The following ZRANB3 variants were observed in gnomAD, a reference collection of about 807,000 sequenced individuals.
ZRANB3 encodes the protein DNA annealing helicase and endonuclease ZRANB3.
In ZRANB3, 125 loss-of-function variants were observed where a neutral mutation model predicts 133.8. The observed-to-expected ratio is 0.93, with a 90% CI of 0.81 to 1.08. ZRANB3 has a LOEUF of 1.08. Ranked by LOEUF, ZRANB3 falls within the 50% of genes least tolerant of loss-of-function variation. ZRANB3 has a pLI of 0.00. For missense variants in ZRANB3, 1,229 were observed against 1,275.5 expected (o/e 0.96, Z 0.56); for synonymous variants, 387 against 432.7 (o/e 0.89, Z 1.31).
At chr2:135,411,817 A>G (rs1438717133) in intron 2 of ZRANB3, among the ~76,000 whole-genome samples, 1 of 152,118 alleles carries the variant, frequency 6.6e-6, no homozygotes, top group Non-Finnish European at 1.5e-5. Flanking sequence ...GAGTATGTTC[A>G]CTATTTGGGT....
chr2:135,295,249 A>G (rs1681997197), intron 8 of ZRANB3, among the ~76,000 whole-genome samples: 1 of 152,124 alleles, frequency 6.6e-6, no homozygotes, highest in Non-Finnish European at 1.5e-5. Flanking sequence ...TGCTTTATGA[A>G]TCTGGGTGCT....
chr2:135,501,110 C>A (rs1420784329), intron 2 of ZRANB3, among the ~76,000 whole-genome samples: 1 of 152,060 alleles, frequency 6.6e-6, no homozygotes, highest in Admixed American at 6.6e-5. Context: ...AGTGAAACTA[C>A]AGAACTCCAA....
rs139432353 is a variant in ZRANB3, at chr2:135,394,715, T to C, written c.162-3895A>G. Among the ~76,000 whole-genome samples, 34 of 152,174 alleles carry C rather than the reference T, an allele frequency of 2.2e-4. No homozygotes were observed. The East Asian group carries it at 6.4e-3, about 29-fold the overall frequency. ...ATGGTTAAGGTAGTAAATTTTACATTGTGTTTTTTTACCACAAGGGAAAAA... is the reference window on the plus strand; with the variant it reads ...ATGGTTAAGGTAGTAAATTTTACATCGTGTTTTTTTACCACAAGGGAAAAA... On this transcript the variant is annotated intron_variant, in intron 2 of 20. Transcript: ENST00000264159.
chr2:135,480,862 G>T (rs1691762343), intron 2 of ZRANB3, among the ~76,000 whole-genome samples: 1 of 134,842 alleles, frequency 7.4e-6, no homozygotes, highest in East Asian at 2.2e-4. Context: ...AGAATATGCG[G>T]TGTTTGGTTT....
At chr2:135,433,804 G>C (rs1689416520) in intron 2 of ZRANB3, among the ~76,000 whole-genome samples, 1 of 151,788 alleles carries the variant, frequency 6.6e-6, no homozygotes, top group South Asian at 2.1e-4. Flanking sequence ...AGACCATCTT[G>C]GCCAACCTGG....
chr2:135,376,895 A>C (rs1184152491), intron 3 of ZRANB3, among the ~76,000 whole-genome samples: 1 of 152,264 alleles, frequency 6.6e-6, no homozygotes, highest in Non-Finnish European at 1.5e-5. Flanking sequence ...ATGTGATAAA[A>C]GAATGTATAT....
At chr2:135,334,282 A>C (rs186815030) in intron 6 of ZRANB3, among the ~76,000 whole-genome samples, 175 of 152,358 alleles carry the variant, frequency 1.1e-3, no homozygotes, top group African/African-American at 4.1e-3. Context: ...CCTTACTCCA[A>C]TTTAGCCTAA....
At chr2:135,342,498 T>TG (rs1370091527) in intron 6 of ZRANB3, among the ~76,000 whole-genome samples, 1 of 149,856 alleles carries the variant, frequency 6.7e-6, no homozygotes, top group East Asian at 1.9e-4. Flanking sequence ...TTAATAGAGA[T>TG]GGGGTCTTAC....
intron 2 of ZRANB3, among the ~76,000 whole-genome samples, chr2:135,399,546 C>G (rs955477020): frequency 5.3e-5 from 8 of 152,074 alleles, no homozygotes; most frequent in Admixed American, 3.9e-4. Context: ...CATAGGCATG[C>G]CACTTATATT....
At chr2:135,528,048 A>G (rs1013345732) in intron 1 of ZRANB3, among the ~76,000 whole-genome samples, 2 of 152,198 alleles carry the variant, frequency 1.3e-5, no homozygotes, top group African/African-American at 2.4e-5. Context: ...TTGAAAGGCA[A>G]GATGAATAGT....
At chr2:135,325,968 C>T (rs543487496) in intron 6 of ZRANB3, among the ~76,000 whole-genome samples, 1 of 152,118 alleles carries the variant, frequency 6.6e-6, no homozygotes, top group African/African-American at 2.4e-5. Context: ...ATCTAGATTA[C>T]AAAAACAATT....
chr2:135,464,458 G>A (rs1458221520), intron 2 of ZRANB3, among the ~76,000 whole-genome samples: 3 of 152,212 alleles, frequency 2.0e-5, no homozygotes, highest in Admixed American at 6.5e-5. Flanking sequence ...TGGCCTCAGA[G>A]TGCTTGGGAA....
At chr2:135,331,367 CA>C (rs1449289856) in intron 6 of ZRANB3, among the ~76,000 whole-genome samples, 1 of 152,116 alleles carries the variant, frequency 6.6e-6, no homozygotes, top group Non-Finnish European at 1.5e-5. Flanking sequence ...TGTAGTTGTG[CA>C]GTTTTGAGTG....
At chr2:135,315,890 A>G (rs556476353) in intron 6 of ZRANB3, among the ~76,000 whole-genome samples, 12 of 152,314 alleles carry the variant, frequency 7.9e-5, no homozygotes, top group African/African-American at 2.6e-4. Context: ...TCCATAAAGT[A>G]GGCATGAACT....
At chr2:135,373,059 G>GA (rs80322759) in intron 3 of ZRANB3, among the ~76,000 whole-genome samples, 231 of 115,260 alleles carry the variant, frequency 2.0e-3, no homozygotes, top group Middle Eastern at 6.1e-3. Context: ...ACTCCATCTC[G>GA]AAAAAAAAAA....
At chr2:135,231,794 A>AC (rs954989240) in intron 12 of ZRANB3, among the ~76,000 whole-genome samples, 20 of 152,100 alleles carry the variant, frequency 1.3e-4, no homozygotes, top group South Asian at 4.2e-4. Context: ...TCAAAAAAAA[A>AC]ACACACACAA....
chr2:135,266,151 G>A (rs567710560), intron 11 of ZRANB3, among the ~76,000 whole-genome samples: 1 of 152,276 alleles, frequency 6.6e-6, no homozygotes, highest in East Asian at 1.9e-4. Flanking sequence ...GGAGGTTGCA[G>A]TGAGCTGAGA....
At chr2:135,247,782 T>A (rs1021325599) in intron 12 of ZRANB3, among the ~76,000 whole-genome samples, 2 of 152,134 alleles carry the variant, frequency 1.3e-5, no homozygotes, top group African/African-American at 4.8e-5. Flanking sequence ...GGGGAGGGGC[T>A]AGTCACCATG....
intron 14 of ZRANB3, among the ~76,000 whole-genome samples, chr2:135,226,403 CTGTT>C (rs542585822): frequency 4.6e-5 from 7 of 152,162 alleles, no homozygotes; most frequent in African/African-American, 1.7e-4. Flanking sequence ...ACTTTGTTTT[CTGTT>C]TGTTTTTCAT....
Sources: gnomAD v4.1 joint callset for allele counts (sites outside exome capture counted in the v4.1 genomes callset) on GRCh38, gnomAD v4.1.1 for gene constraint, MANE v1.5 for transcripts, NCBI Gene and HGNC (gene_info 2026-07-23, HGNC 2026-07-21) for gene names.